The following SCAP variants were observed in gnomAD, a reference collection of about 807,000 sequenced individuals.
SCAP encodes the protein sterol regulatory element-binding protein cleavage-activating protein.
Under a neutral mutation model 123.6 loss-of-function variants are expected in SCAP, and 65 were observed. The ratio of observed to expected loss-of-function variants is 0.53; its 90% CI spans 0.43 to 0.65. The LOEUF is 0.65. Among genes scored for constraint, SCAP ranks in the 30% least tolerant of loss-of-function variants. SCAP has a pLI of 0.00. For synonymous variants in SCAP, 740 were observed against 726.3 expected (o/e 1.02, Z -0.30); for missense variants, 1,398 against 1,712.5 (o/e 0.82, Z 3.24).
At chr3:47,450,830 A>G (rs1707207557) in intron 1 of SCAP, among the ~76,000 whole-genome samples, 1 of 120,092 alleles carries the variant, frequency 8.3e-6, no homozygotes, top group African/African-American at 2.9e-5. Flanking sequence ...GTATCTTTAC[A>G]TTTTTCACTA....
chr3:47,474,716 G>A (rs1242503049), intron 1 of SCAP, among the ~76,000 whole-genome samples: 1 of 152,112 alleles, frequency 6.6e-6, no homozygotes. Context: ...AGGATCACCT[G>A]AGCCCAGGAA....
chr3:47,422,399 G>C (rs767179539), intron 10 of SCAP, 43 bp downstream of exon 10: 2 of 1,559,726 alleles, frequency 1.3e-6, no homozygotes. Flanking sequence ...GAGCACAGCA[G>C]TTGCTTCCAT....
chr3:47,447,936 C>T (rs1248338701), intron 1 of SCAP, among the ~76,000 whole-genome samples: 1 of 122,710 alleles, frequency 8.1e-6, no homozygotes. Context: ...ACCCAGGAGG[C>T]AGAGGTTGCA....
intron 1 of SCAP, chr3:47,443,307 C>CAA: frequency 7.4e-6 from 1 of 136,042 alleles, no homozygotes; most frequent in Non-Finnish European, 1.4e-5. Flanking sequence ...CTCTCTCTCT[C>CAA]TCTCCCTCCC....
chr3:47,471,171 A>G (rs1374674539), intron 1 of SCAP, among the ~76,000 whole-genome samples: 6 of 152,208 alleles, frequency 3.9e-5, no homozygotes, highest in African/African-American at 1.4e-4. Flanking sequence ...TTATCCCCTT[A>G]CAAATTTTAG....
In SCAP at chr3:47,428,521, C is replaced by G. The variant is rs753025611; in HGVS notation, c.402G>C (p.Leu134=). The change falls in exon 4 of 23, where the codon CTG becomes CTC. Residue 134 remains leucine, a synonymous_variant. Transcript: ENST00000265565. ...QLVEEIRNHV[L]RDSSGIRSLE... The stretch of plus-strand genomic sequence containing the variant: ...GTCCCTGAGAGGGGTACCTGTCTCT[C>G]AGCACGTGGTTCCGGATCTCCTCCA... 9 of 1,614,068 alleles carry G rather than the reference C, an allele frequency of 5.6e-6. No homozygotes were observed. Among genetic ancestry groups the G allele is most frequent in the Non-Finnish European group, 7.6e-6 (9 of 1,179,968 alleles).
chr3:47,473,914 T>C (rs1321366802), intron 1 of SCAP, among the ~76,000 whole-genome samples: 1 of 152,164 alleles, frequency 6.6e-6, no homozygotes, highest in Non-Finnish European at 1.5e-5. Flanking sequence ...CCAGTGATTA[T>C]AAAGTCCACG....
Position 47,418,119 on chromosome 3 carries a change from G to GC in SCAP, c.2447+14_2447+15insG. 1 of 1,544,850 alleles carries GC rather than the reference G, an allele frequency of 6.5e-7. No individual in the cohort carries two copies. Among genetic ancestry groups the GC allele is most frequent in the South Asian group, 1.2e-5 (1 of 83,976 alleles). ...GTTGTGGGGGCACAAAGGAGGAAAG[G>GC]GCAGCCGCACCTACCCTGGGCGCGG... On this transcript the variant is annotated intron_variant, in intron 16 of 22. Transcript: ENST00000265565.
intron 1 of SCAP, among the ~76,000 whole-genome samples, chr3:47,458,348 G>A (rs1339682090): frequency 1.3e-5 from 2 of 151,978 alleles, no homozygotes; most frequent in African/African-American, 4.8e-5. Flanking sequence ...AGAATCGCTT[G>A]AACCCTGGAG....
intron 1 of SCAP, among the ~76,000 whole-genome samples, chr3:47,453,857 T>C (rs1347577965): frequency 6.6e-6 from 1 of 152,066 alleles, no homozygotes; most frequent in African/African-American, 2.4e-5. Flanking sequence ...ATCTTCCCAC[T>C]CTAATTTCCC....
intron 9 of SCAP, among the ~76,000 whole-genome samples, chr3:47,423,166 C>G (rs754358875): frequency 2.0e-5 from 3 of 152,218 alleles, no homozygotes; most frequent in African/African-American, 7.2e-5. Context: ...AGCCCCATTC[C>G]TCACAGACAT....
Position 47,417,441 on chromosome 3 carries a change from C to T in SCAP, c.2833G>A (p.Ala945Thr), listed in dbSNP as rs573539484. 4.7e-4 allele frequency: 738 copies of T among 1,555,270 alleles called. 7 individuals carry two copies. In the South Asian group the frequency reaches 8.2e-3, roughly 17 times the overall value. Residue 945 changes from alanine (A) to threonine (T), a missense_variant, in exon 17 of 23, where the codon GCC becomes ACC. Physicochemically the swap from Ala to Thr is moderately conservative, Grantham distance 58. Transcript: ENST00000265565. ...PPSPGPVLSQAPEDEGGSPEK... is the reference protein window; with the variant it reads ...PPSPGPVLSQTPEDEGGSPEK... ...GGGGAGCCACCCTCGTCCTCAGGGG[C>T]CTGGGACAGCACCGGCCCAGGCGAG...
intron 1 of SCAP, chr3:47,469,875 G>A (rs2108027834): frequency 1.9e-6 from 1 of 540,260 alleles, no homozygotes; most frequent in Non-Finnish European, 3.7e-6. Flanking sequence ...CTCTCAGATT[G>A]GAACAAGAAA....
At chr3:47,443,268 ACACACACACTCTCTCTCTCT>A (rs1706882626) in intron 1 of SCAP, 177 bp from the exon 2 acceptor site, 7 of 143,102 alleles carry the variant, frequency 4.9e-5, no homozygotes, top group Non-Finnish European at 7.9e-5. Flanking sequence ...ACACACACAC[ACACACACACTCTCTCTCTCT>A]CTCTCTCTCT....
In SCAP at chr3:47,414,914, T is replaced by C; in HGVS notation, c.3219A>G (p.Thr1073=). 6.2e-7 allele frequency: 1 copy of C among 1,612,778 alleles called. No homozygotes were observed. Among genetic ancestry groups the C allele is most frequent in the Non-Finnish European group, 8.5e-7 (1 of 1,179,806 alleles). ...SDTVACHLTH[T]VPCAHQKPIT... ...TGGGTTTTTGGTGTGCACAGGGCACTGTGTGGGTCAGGTGACAGGCCACTG... is the reference window on the plus strand; with the variant it reads ...TGGGTTTTTGGTGTGCACAGGGCACCGTGTGGGTCAGGTGACAGGCCACTG... The change falls in exon 20 of 23, where the codon ACA becomes ACG. Residue 1073 remains threonine, a synonymous_variant. Transcript: ENST00000265565.
intron 3 of SCAP, 155 bp from the exon 4 acceptor site, chr3:47,428,825 G>T: frequency 1.4e-6 from 1 of 722,594 alleles, no homozygotes; most frequent in Non-Finnish European, 2.2e-6. Flanking sequence ...CAGGATGGCA[G>T]ATAAGAAAAG....
chr3:47,438,709 G>A (rs1706682508), intron 2 of SCAP, among the ~76,000 whole-genome samples: 1 of 151,898 alleles, frequency 6.6e-6, no homozygotes, highest in South Asian at 2.1e-4. Context: ...AGCTACTCGG[G>A]CAGCTGAGGC....
At chr3:47,463,025 A>C (rs963094146) in intron 1 of SCAP, among the ~76,000 whole-genome samples, 5 of 152,038 alleles carry the variant, frequency 3.3e-5, no homozygotes, top group African/African-American at 9.7e-5. Context: ...CTCCTTATTT[A>C]CACTATTTCC....
intron 1 of SCAP, among the ~76,000 whole-genome samples, chr3:47,456,040 C>T (rs1026734934): frequency 3.3e-5 from 5 of 152,208 alleles, no homozygotes; most frequent in East Asian, 1.9e-4. Context: ...AGATTAATTG[C>T]GCAACAAAAG....
Sources: gnomAD v4.1 joint callset for allele counts (sites outside exome capture counted in the v4.1 genomes callset) on GRCh38, gnomAD v4.1.1 for gene constraint, MANE v1.5 for transcripts, NCBI Gene and HGNC (gene_info 2026-07-23, HGNC 2026-07-21) for gene names.